NARS2: variants seen among roughly 807,000 people sequenced by gnomAD.
NARS2 encodes the protein asparaginyl-tRNA synthetase.
A neutral mutation model predicts 62.9 loss-of-function variants in NARS2; 60 were observed. That is an observed-to-expected ratio of 0.95 (90% confidence interval 0.77 to 1.18). NARS2 has a LOEUF of 1.18. Among genes scored for constraint, NARS2 ranks in the 50% most tolerant of loss-of-function variants. The pLI is 0.00. For synonymous variants in NARS2, 196 were observed against 200.0 expected (o/e 0.98, Z 0.17); for missense variants, 619 against 576.4 (o/e 1.07, Z -0.76).
chr11:78,454,280 G>A (rs1336995949), intron 11 of NARS2, among the ~76,000 whole-genome samples: 3 of 152,116 alleles, frequency 2.0e-5, no homozygotes, highest in African/African-American at 7.2e-5. Flanking sequence ...CCAAATTCAC[G>A]TTGAAATGTG....
intron 5 of NARS2, among the ~76,000 whole-genome samples, chr11:78,553,382 G>A (rs772548850): frequency 2.0e-5 from 3 of 151,136 alleles, no homozygotes; most frequent in Non-Finnish European, 4.4e-5. Context: ...TGCACCTCCC[G>A]GGTTCAAGCG....
At chr11:78,444,796 GAAAAT>G (rs1857701358) in intron 11 of NARS2, among the ~76,000 whole-genome samples, 1 of 150,780 alleles carries the variant, frequency 6.6e-6, no homozygotes, top group African/African-American at 2.4e-5. Context: ...AAAAATATAG[GAAAAT>G]AAAATAAAGA....
At chr11:78,476,290 T>C (rs1859092098) in intron 9 of NARS2, among the ~76,000 whole-genome samples, 1 of 152,218 alleles carries the variant, frequency 6.6e-6, no homozygotes, top group Admixed American at 6.5e-5. Context: ...TGTTCCTACT[T>C]GACCCCTGGT....
rs187941227 is a variant in NARS2, at chr11:78,507,572, T to G, written c.690-14377A>C. ...TCTTGCTCTGTTGCCCAGGCTGGAG[T>G]GCAGGGGCGCAATCTCTGCTCACTG... On this transcript the variant is annotated intron_variant, in intron 6 of 13. Transcript: ENST00000281038. Among the ~76,000 whole-genome samples the G allele has an allele frequency of 6.2e-3, 925 of 149,424 alleles. 7 individuals are homozygous for G. The highest frequency in any genetic ancestry group is 0.01 in the Middle Eastern group (3 of 286).
chr11:78,467,195 A>G (rs537172915), intron 10 of NARS2, among the ~76,000 whole-genome samples: 38 of 152,340 alleles, frequency 2.5e-4, no homozygotes, highest in African/African-American at 7.5e-4. Flanking sequence ...CTCCAACATT[A>G]TACATATGTC....
At chr11:78,464,014 G>A (rs1858506768) in intron 11 of NARS2, among the ~76,000 whole-genome samples, 1 of 152,282 alleles carries the variant, frequency 6.6e-6, no homozygotes, top group East Asian at 1.9e-4. Context: ...GGACCCTCAC[G>A]GTGAGTGTTA....
At chr11:78,456,661 T>C (rs1565209548) in intron 11 of NARS2, among the ~76,000 whole-genome samples, 2 of 152,262 alleles carry the variant, frequency 1.3e-5, no homozygotes, top group East Asian at 1.9e-4. Flanking sequence ...GTAATACTGA[T>C]ATAATTTTGA....
intron 6 of NARS2, among the ~76,000 whole-genome samples, chr11:78,523,128 T>A (rs978448303): frequency 6.6e-6 from 1 of 152,162 alleles, no homozygotes; most frequent in East Asian, 1.9e-4. Context: ...AGGACTTACA[T>A]AGACATTTCT....
intron 4 of NARS2, among the ~76,000 whole-genome samples, chr11:78,564,428 A>T (rs1269789922): frequency 6.6e-6 from 1 of 151,836 alleles, no homozygotes; most frequent in Non-Finnish European, 1.5e-5. Context: ...TGGGCTCAAA[A>T]GATCCTCCTG....
intron 11 of NARS2, among the ~76,000 whole-genome samples, chr11:78,458,208 A>C (rs901673467): frequency 6.6e-6 from 1 of 152,232 alleles, no homozygotes; most frequent in African/African-American, 2.4e-5. Context: ...ATATACATAC[A>C]CCAAAATACC....
At chr11:78,568,196 T>C (rs1049300561) in intron 3 of NARS2, among the ~76,000 whole-genome samples, 5 of 152,238 alleles carry the variant, frequency 3.3e-5, no homozygotes, top group Admixed American at 6.5e-5. Flanking sequence ...TACTGAGCAC[T>C]TGAAATGTGG....
intron 11 of NARS2, among the ~76,000 whole-genome samples, chr11:78,461,314 G>T (rs1434389763): frequency 6.6e-6 from 1 of 151,870 alleles, no homozygotes; most frequent in East Asian, 1.9e-4. Flanking sequence ...AGATAGAAAT[G>T]GATAAATCTG....
intron 5 of NARS2, among the ~76,000 whole-genome samples, chr11:78,547,047 G>A (rs1219003562): frequency 2.6e-5 from 4 of 152,102 alleles, no homozygotes; most frequent in African/African-American, 7.2e-5. Flanking sequence ...TATACATTTC[G>A]TGGCTGGGTA....
intron 5 of NARS2, among the ~76,000 whole-genome samples, chr11:78,549,866 A>C (rs963497479): frequency 3.3e-5 from 5 of 152,078 alleles, no homozygotes; most frequent in African/African-American, 1.2e-4. Flanking sequence ...GGGAGGGAGG[A>C]GAGGGGCAAG....
chr11:78,567,894 T>A (rs1856797737), intron 3 of NARS2, among the ~76,000 whole-genome samples: 1 of 152,178 alleles, frequency 6.6e-6, no homozygotes, highest in Non-Finnish European at 1.5e-5. Context: ...CATCAGCTCA[T>A]AATGTTAAGC....
intron 2 of NARS2, among the ~76,000 whole-genome samples, chr11:78,570,235 C>T (rs545354742): frequency 5.9e-4 from 90 of 151,364 alleles, no homozygotes; most frequent in South Asian, 2.7e-3. Flanking sequence ...TTTTTTTGTT[C>T]TGCCCAGTTA....
At chr11:78,514,157 C>G (rs927347585) in intron 6 of NARS2, among the ~76,000 whole-genome samples, 1 of 152,202 alleles carries the variant, frequency 6.6e-6, no homozygotes, top group Non-Finnish European at 1.5e-5. Flanking sequence ...GGGTCTCACT[C>G]TGTCACCCAG....
At chr11:78,565,447 C>T (rs1222818492) in intron 4 of NARS2, among the ~76,000 whole-genome samples, 2 of 152,172 alleles carry the variant, frequency 1.3e-5, no homozygotes, top group East Asian at 3.9e-4. Flanking sequence ...TAAACCCCTA[C>T]CAGTAGACCA....
rs1856740720 is a variant in NARS2, at chr11:78,566,259, T to C, written c.386A>G (p.Lys129Arg). ...CTCCAGAGGATGCCTCTCTTTATAT[T>C]TGATGGGGAAATCCTGCCAATAAAT... The part of the protein sequence containing the change: ...GNCDAKDFPI[K>R]YKERHPLEYL... Residue 129 changes from lysine (K) to arginine (R), a missense_variant, in exon 4 of 14, where the codon AAA (lysine) becomes AGA (arginine). Transcript: ENST00000281038. 6 of 1,589,144 alleles carry C rather than the reference T, an allele frequency of 3.8e-6. No individual in the cohort carries two copies. The highest frequency in any genetic ancestry group is 3.6e-5 in the Admixed American group (2 of 56,112).
Sources: allele counts gnomAD v4.1 joint callset (sites outside exome capture counted in the v4.1 genomes callset), GRCh38; gene constraint gnomAD v4.1.1; transcripts MANE v1.5; gene names NCBI Gene and HGNC (gene_info 2026-07-23, HGNC 2026-07-21).